The following SENP5 variants were observed in gnomAD, a reference collection of about 807,000 sequenced individuals.
SENP5 encodes the protein SUMO specific peptidase 5.
A neutral mutation model predicts 74.2 loss-of-function variants in SENP5; 21 were observed. The ratio of observed to expected loss-of-function variants is 0.28; its 90% CI spans 0.20 to 0.41. The LOEUF (loss-of-function observed/expected upper bound fraction) is 0.41, where lower values mean the gene tolerates loss of function less well. Ranked by LOEUF, SENP5 falls within the 10% of genes least tolerant of loss-of-function variation. The pLI is 1.00. For missense variants in SENP5, 717 were observed against 889.1 expected, an observed-to-expected ratio of 0.81 and a Z score of 2.46; for synonymous variants, 311 against 312.7, an observed-to-expected ratio of 0.99 and a Z score of 0.06.
chr3:196,925,333 G>A (rs994554294), intron 7 of SENP5, among the ~76,000 whole-genome samples: 2 of 152,164 alleles, frequency 1.3e-5, no homozygotes, highest in South Asian at 4.2e-4. Flanking sequence ...AAGAAGCCTC[G>A]TGGGCCCAGA....
At chr3:196,872,064 G>A (rs574557736) in intron 1 of SENP5, among the ~76,000 whole-genome samples, 14 of 152,066 alleles carry the variant, frequency 9.2e-5, no homozygotes, top group East Asian at 7.7e-4. Context: ...TAACTTTTTC[G>A]TAGTGAAGCT....
chr3:196,917,248 AAGAATT>A (rs1350756520), intron 6 of SENP5, among the ~76,000 whole-genome samples: 1 of 152,030 alleles, frequency 6.6e-6, no homozygotes, highest in Non-Finnish European at 1.5e-5. Context: ...AAGCAGAAGA[AAGAATT>A]AGTAAGCTTA....
rs1357296947 is a variant in SENP5 at position 196,933,440 on chromosome 3, A to T, written c.*2517A>T. On this transcript the variant is annotated 3_prime_UTR_variant, in exon 10 of 10. Coordinates refer to ENST00000323460, the MANE Select transcript of SENP5 (RefSeq NM_152699.5). ...TAAACCTCTATTTAACTCAAGTCCTAGATTAGAATGTCCTTTGTCCTGATG... is the reference window on the plus strand; with the variant it reads ...TAAACCTCTATTTAACTCAAGTCCTTGATTAGAATGTCCTTTGTCCTGATG... 1 of 152,132 alleles carries T rather than the reference A, an allele frequency of 6.6e-6. No homozygotes were observed. Among genetic ancestry groups the T allele is most frequent in the African/African-American group, 2.4e-5 (1 of 41,430 alleles). 9.4% of individuals were successfully genotyped at this position (152,132 alleles called of 1,614,324 possible).
intron 1 of SENP5, among the ~76,000 whole-genome samples, chr3:196,869,320 C>T (rs1713099663): frequency 6.6e-6 from 1 of 152,084 alleles, no homozygotes. Context: ...TCTCCTGCCT[C>T]AGCCTCCAGA....
chr3:196,915,072 C>T (rs1715316799), intron 6 of SENP5, among the ~76,000 whole-genome samples: 1 of 152,184 alleles, frequency 6.6e-6, no homozygotes, highest in Non-Finnish European at 1.5e-5. Context: ...AATCTTCCGC[C>T]CCAGCGGTAG....
At chr3:196,881,318 A>G (rs1279553779) in intron 1 of SENP5, among the ~76,000 whole-genome samples, 1 of 152,164 alleles carries the variant, frequency 6.6e-6, no homozygotes, top group Non-Finnish European at 1.5e-5. Context: ...TATTTGTATT[A>G]TTGTAGGCAT....
At chr3:196,874,483 CTT>C (rs1035664477) in intron 1 of SENP5, among the ~76,000 whole-genome samples, 3 of 152,090 alleles carry the variant, frequency 2.0e-5, no homozygotes, top group Non-Finnish European at 4.4e-5. Context: ...CCATTTCCCT[CTT>C]TTTAGAAACC....
chr3:196,915,613 G>T (rs547035068), intron 6 of SENP5, among the ~76,000 whole-genome samples: 6 of 152,204 alleles, frequency 3.9e-5, no homozygotes, highest in Admixed American at 6.5e-5. Context: ...CCAGTACTAT[G>T]CTGTGTTCAG....
At chr3:196,908,842 C>T in intron 6 of SENP5, among the ~76,000 whole-genome samples, 1 of 151,870 alleles carries the variant, frequency 6.6e-6, no homozygotes, top group Non-Finnish European at 1.5e-5. Context: ...CAAACAAAAA[C>T]AACAACAAGG....
At position 196,886,399 on chromosome 3, in the gene SENP5, C is replaced by T. The variant is rs1003356686; in HGVS notation, c.1218C>T (p.Val406=). 1.6e-5 allele frequency: 26 copies of T among 1,612,148 alleles called. No individual in the cohort carries two copies. The highest frequency in any genetic ancestry group is 2.0e-5 in the Non-Finnish European group (24 of 1,178,898). Reference sequence around the variant, plus strand: ...GTCAGGAAAATCAGACAAGTTCTGTCAGTGATGACAGAGTAAAACTGTCAG... The same window carrying T: ...GTCAGGAAAATCAGACAAGTTCTGTTAGTGATGACAGAGTAAAACTGTCAG... ...TLGQENQTSS[V]SDDRVKLSVS... is the part of the protein sequence containing the mutation. The change falls in exon 2 of 10, where the codon GTC becomes GTT. Residue 406 remains valine, a synonymous_variant. Coordinates refer to ENST00000323460, the MANE Select transcript of SENP5 (RefSeq NM_152699.5).
chr3:196,869,759 CAAAAAAAAAAAAAA>C, intron 1 of SENP5, among the ~76,000 whole-genome samples: 1 of 37,988 alleles, frequency 2.6e-5, no homozygotes, highest in African/African-American at 1.2e-4. Flanking sequence ...AACTCCGTCT[CAAAAAAAAAAAAAA>C]AAAAAAAAAA....
Position 196,883,247 on chromosome 3 carries a change from T to A in SENP5, c.-31-1904T>A, listed in dbSNP as rs1713806359. ...TGGAGTCTAACTGCTTCTTAAACTTTAGGCCACCCTATTGAGTCATTGTTC... is the reference window on the plus strand; with the variant it reads ...TGGAGTCTAACTGCTTCTTAAACTTAAGGCCACCCTATTGAGTCATTGTTC... On this transcript the variant is annotated intron_variant, in intron 1 of 9. Coordinates refer to ENST00000323460, the MANE Select transcript of SENP5 (RefSeq NM_152699.5). 2.0e-5 allele frequency among the ~76,000 whole-genome samples: 3 copies of A among 152,182 alleles called. 1 individual carries two copies. The South Asian group carries it at 6.2e-4, about 32-fold the overall frequency.
intron 1 of SENP5, among the ~76,000 whole-genome samples, chr3:196,876,967 C>T (rs1713504209): frequency 6.6e-6 from 1 of 152,154 alleles, no homozygotes; most frequent in African/African-American, 2.4e-5. Flanking sequence ...ACTACAAAAC[C>T]CAAACCGTGG....
chr3:196,924,923 A>C (rs891178152), intron 7 of SENP5, among the ~76,000 whole-genome samples: 8 of 152,244 alleles, frequency 5.3e-5, no homozygotes, highest in Non-Finnish European at 1.0e-4. Flanking sequence ...GTTAAATTGA[A>C]TATAGTAGAC....
rs769382777 is a variant in SENP5, at chr3:196,886,508, G to GAGGAGGATGGATCTCTCAAGC, written c.1330_1350dup (p.Glu444_Gln450dup). On this transcript the variant is annotated inframe_insertion, in exon 2 of 10. Transcript: ENST00000323460. ...TCAAAATGAGAACTCATACCAGATG[G>GAGGAGGATGGATCTCTCAAGC]AGGAGGATGGATCTCTCAAGCAGAG... is the stretch of plus-strand genomic sequence containing the variant. 5.1e-5 allele frequency: 83 copies of GAGGAGGATGGATCTCTCAAGC among 1,613,162 alleles called. No individual in the cohort carries two copies. The highest frequency in any genetic ancestry group is 6.4e-5 in the Non-Finnish European group (76 of 1,179,744).
At chr3:196,913,988 A>G (rs150276432) in intron 6 of SENP5, 1 of 152,210 alleles carries the variant, frequency 6.6e-6, no homozygotes, top group South Asian at 2.1e-4. Flanking sequence ...GCATAACTTC[A>G]CAGTAAAAGA....
At chr3:196,872,377 C>T (rs1163279033) in intron 1 of SENP5, among the ~76,000 whole-genome samples, 1 of 152,134 alleles carries the variant, frequency 6.6e-6, no homozygotes, top group Non-Finnish European at 1.5e-5. Context: ...TGTCTTTGCT[C>T]CAGGGTCAGA....
chr3:196,927,959 G>A, intron 8 of SENP5, 80 bp downstream of exon 8: 1 of 832,758 alleles, frequency 1.2e-6, no homozygotes, highest in South Asian at 1.5e-5. Context: ...AAGAGCATTT[G>A]AAGACTAGTG....
At chr3:196,905,826 G>C (rs540649651) in intron 6 of SENP5, among the ~76,000 whole-genome samples, 37 of 152,232 alleles carry the variant, frequency 2.4e-4, no homozygotes, top group African/African-American at 8.9e-4. Flanking sequence ...CTGGTGGTTG[G>C]GGGGTTGGGT....
Sources: gnomAD v4.1 joint callset for allele counts (sites outside exome capture counted in the v4.1 genomes callset) on GRCh38, gnomAD v4.1.1 for gene constraint, MANE v1.5 for transcripts, NCBI Gene and HGNC (gene_info 2026-07-23, HGNC 2026-07-21) for gene names.